NTRK3: variants seen among roughly 807,000 people sequenced by gnomAD.
The protein encoded by NTRK3 is NT-3 growth factor receptor.
In NTRK3, 24 loss-of-function variants were observed where a neutral mutation model predicts 91.7. The observed-to-expected ratio is 0.26, with a 90% CI of 0.19 to 0.37. The LOEUF is 0.37. Ranked by LOEUF, NTRK3 falls within the 10% of genes least tolerant of loss-of-function variation. The pLI, the probability that NTRK3 is intolerant of heterozygous loss-of-function variation, is 1.00. For synonymous variants in NTRK3, 483 were observed against 404.0 expected, an observed-to-expected ratio of 1.20 and a Z score of -2.34; for missense variants, 880 against 1,068.9, an observed-to-expected ratio of 0.82 and a Z score of 2.46.
chr15:88,013,218 C>A (rs892022273), intron 14 of NTRK3, among the ~76,000 whole-genome samples: 8 of 151,702 alleles, frequency 5.3e-5, no homozygotes, highest in African/African-American at 1.9e-4. Context: ...GGTAAAGACC[C>A]ACTACCAGCA....
chr15:88,168,822 C>T (rs974728770), intron 5 of NTRK3, among the ~76,000 whole-genome samples: 6 of 152,226 alleles, frequency 3.9e-5, no homozygotes, highest in Non-Finnish European at 5.9e-5. Flanking sequence ...GACTCAGTTT[C>T]GACAAGCATC....
intron 17 of NTRK3, among the ~76,000 whole-genome samples, chr15:87,903,890 C>A (rs983573251): frequency 6.6e-6 from 1 of 152,166 alleles, no homozygotes; most frequent in Admixed American, 6.5e-5. Context: ...TTAGAATAAT[C>A]TCTAGCTTAT....
At chr15:88,211,972 A>G (rs566167312) in intron 3 of NTRK3, among the ~76,000 whole-genome samples, 31 of 152,370 alleles carry the variant, frequency 2.0e-4, no homozygotes, top group African/African-American at 7.2e-4. Context: ...ATTTTGTAGA[A>G]TAAAGCAAAT....
chr15:88,181,503 C>G (rs1288277953), intron 5 of NTRK3, among the ~76,000 whole-genome samples: 1 of 152,180 alleles, frequency 6.6e-6, no homozygotes, highest in Non-Finnish European at 1.5e-5. Context: ...TCCCTAAGAG[C>G]TGCAGGGACA....
At chr15:88,053,467 A>G (rs2045410387) in intron 13 of NTRK3, among the ~76,000 whole-genome samples, 1 of 152,208 alleles carries the variant, frequency 6.6e-6, no homozygotes, top group Admixed American at 6.5e-5. Flanking sequence ...CAGCAACCCA[A>G]CATGCCTGTA....
At chr15:88,011,674 C>G (rs780130275) in intron 14 of NTRK3, among the ~76,000 whole-genome samples, 1 of 152,144 alleles carries the variant, frequency 6.6e-6, no homozygotes, top group African/African-American at 2.4e-5. Flanking sequence ...CACTGAATTA[C>G]GTCAGCACAA....
chr15:88,195,465 T>G (rs2047737139), intron 3 of NTRK3, among the ~76,000 whole-genome samples: 1 of 152,218 alleles, frequency 6.6e-6, no homozygotes, highest in Non-Finnish European at 1.5e-5. Flanking sequence ...CAACAAGTCA[T>G]GAAAAATCTG....
At chr15:88,025,046 G>T (rs2077913064) in intron 14 of NTRK3, among the ~76,000 whole-genome samples, 2 of 151,724 alleles carry the variant, frequency 1.3e-5, no homozygotes, top group African/African-American at 4.8e-5. Flanking sequence ...CACGTGTGTG[G>T]CCACACACAC....
At chr15:88,050,194 C>T (rs2080681258) in intron 13 of NTRK3, among the ~76,000 whole-genome samples, 2 of 152,148 alleles carry the variant, frequency 1.3e-5, no homozygotes, top group East Asian at 1.9e-4. Flanking sequence ...CTTCACTGTC[C>T]TTCCCTATTG....
At chr15:88,205,340 C>G (rs572999257) in intron 3 of NTRK3, among the ~76,000 whole-genome samples, 1 of 152,296 alleles carries the variant, frequency 6.6e-6, no homozygotes, top group Admixed American at 6.5e-5. Flanking sequence ...GACTGGCCTA[C>G]GTGGGCCTCG....
At chr15:88,136,715 A>C in intron 7 of NTRK3, 106 bp from the exon 8 acceptor site, 1 of 1,367,158 alleles carries the variant, frequency 7.3e-7, no homozygotes, top group Non-Finnish European at 1.0e-6. Flanking sequence ...CCCAGTAATG[A>C]CTCTAACACC....
chr15:88,082,289 A>G (rs1296126142), intron 13 of NTRK3, among the ~76,000 whole-genome samples: 9 of 152,052 alleles, frequency 5.9e-5, no homozygotes, highest in Non-Finnish European at 1.2e-4. Flanking sequence ...AAAAAAAAAA[A>G]AAAAAAGAGG....
chr15:87,917,451 T>G (rs975135517), intron 17 of NTRK3, among the ~76,000 whole-genome samples: 11 of 152,194 alleles, frequency 7.2e-5, no homozygotes, highest in Non-Finnish European at 1.6e-4. Flanking sequence ...AGCTATATAT[T>G]TCTTTAAAAT....
At chr15:88,245,287 C>A (rs1332471349) in intron 3 of NTRK3, among the ~76,000 whole-genome samples, 1 of 152,186 alleles carries the variant, frequency 6.6e-6, no homozygotes, top group African/African-American at 2.4e-5. Flanking sequence ...CCATCACATG[C>A]CAGGCACCTA....
intron 5 of NTRK3, among the ~76,000 whole-genome samples, chr15:88,167,406 G>A (rs946974408): frequency 1.3e-5 from 2 of 152,094 alleles, no homozygotes; most frequent in Non-Finnish European, 2.9e-5. Context: ...AGCAAAAAAA[G>A]AGCTAGAACT....
chr15:88,221,280 T>G (rs1373261911), intron 3 of NTRK3, among the ~76,000 whole-genome samples: 2 of 152,272 alleles, frequency 1.3e-5, no homozygotes, highest in Non-Finnish European at 1.5e-5. Context: ...TCTTAGAGGA[T>G]GAGATGATGA....
Position 88,051,292 on chromosome 15 carries a change from T to TC in NTRK3, c.1397-18248dup, listed in dbSNP as rs1383350278. 2.0e-5 allele frequency among the ~76,000 whole-genome samples: 3 copies of TC among 152,106 alleles called. No homozygotes were observed. The East Asian group carries it at 5.8e-4, about 29-fold the overall frequency. On this transcript the variant is annotated intron_variant, in intron 13 of 18. Coordinates refer to ENST00000394480, the Ensembl canonical transcript of NTRK3. ...TTGAAGCATTTCTTGAACCTAACTC[T>TC]CCCTCCTCTTTCTCCCCACTCCACC...
chr15:87,874,451 G>T (rs1039210214), exon 19 of NTRK3: 4 of 231,228 alleles, frequency 1.7e-5, no homozygotes, highest in Non-Finnish European at 3.4e-5. Flanking sequence ...CTTTCATTAG[G>T]CCATGATGAA....
intron 14 of NTRK3, among the ~76,000 whole-genome samples, chr15:88,024,082 C>A (rs2141918595): frequency 6.6e-6 from 1 of 152,354 alleles, no homozygotes; most frequent in South Asian, 2.1e-4. Flanking sequence ...TGCACACAGG[C>A]TCTGTGCTCC....
Sources: gnomAD v4.1 joint callset for allele counts (sites outside exome capture counted in the v4.1 genomes callset) on GRCh38, gnomAD v4.1.1 for gene constraint, MANE v1.5 for transcripts, NCBI Gene and HGNC (gene_info 2026-07-23, HGNC 2026-07-21) for gene names.